The following BRCA1 variants were observed in gnomAD, a reference collection of about 807,000 sequenced individuals.
BRCA1 encodes the protein breast cancer type 1 susceptibility protein.
BRCA1 carries 140 observed loss-of-function variants against 173.7 expected under a neutral mutation model. The ratio of observed to expected loss-of-function variants is 0.81; its 90% confidence interval spans 0.70 to 0.93. The LOEUF is 0.93. Ranked by LOEUF, BRCA1 falls within the 40% of genes least tolerant of loss-of-function variation. The pLI is 0.00. For synonymous variants in BRCA1, 662 were observed against 756.0 expected, an observed-to-expected ratio of 0.88 and a Z score of 2.04; for missense variants, 1,983 against 2,172.5, an observed-to-expected ratio of 0.91 and a Z score of 1.73.
At chr17:43,074,080 C>A (rs951086475) in intron 14 of BRCA1, among the ~76,000 whole-genome samples, 1 of 151,970 alleles carries the variant, frequency 6.6e-6, no homozygotes, top group Non-Finnish European at 1.5e-5. Context: ...TTAGAGTACA[C>A]CAAGACTCCC....
upstream of BRCA1, among the ~76,000 whole-genome samples, chr17:43,127,666 C>A (rs1459763380): frequency 6.6e-6 from 1 of 152,122 alleles, no homozygotes; most frequent in African/African-American, 2.4e-5. Flanking sequence ...CAAAACGGAC[C>A]AATTAGCTCT....
rs192560232 is a variant in BRCA1, at chr17:43,130,498, G to C, written c.-19-6383C>G. On this transcript the variant is annotated intron_variant, in intron 1 of 7. Coordinates refer to the BRCA1 transcript ENST00000634433. ...CCAGCTAATTTTTGTATTTTTATTA[G>C]AGACGAAGTTTCACCATGTTGGCTA... 2.8e-4 allele frequency among the ~76,000 whole-genome samples: 43 copies of C among 152,210 alleles called. No homozygotes were observed. The South Asian group carries it at 3.7e-3, about 13-fold the overall frequency.
chr17:43,084,852 C>T (rs2053166544), intron 11 of BRCA1, among the ~76,000 whole-genome samples: 1 of 152,134 alleles, frequency 6.6e-6, no homozygotes, highest in South Asian at 2.1e-4. Flanking sequence ...GATATCTGAC[C>T]AAAATGCTTC....
rs1057522167 is a variant in BRCA1, at chr17:43,074,491, A to G, written c.4515T>C (p.Asp1505=). Residue 1505 remains aspartate (D), a synonymous_variant, in exon 14 of 23, where the codon GAT becomes GAC. Coordinates refer to ENST00000357654, the MANE Select transcript of BRCA1 (RefSeq NM_007294.4). ...AGCAACTGTGCATGTACCACCTATC[A>G]TCTAATGATGGGCATTTAGAAGGGG... is the stretch of plus-strand genomic sequence containing the variant. ...RSSPSKCPSL[D]DRWYMHSCSG... 3 of 1,614,150 alleles carry G rather than the reference A, an allele frequency of 1.9e-6. No individual in the cohort carries two copies. The highest frequency in any genetic ancestry group is 2.5e-6 in the Non-Finnish European group (3 of 1,179,976).
At position 43,045,787 on chromosome 17, in the gene BRCA1, C is replaced by T. The variant is rs2050885374; in HGVS notation, c.5483G>A (p.Cys1828Tyr). 6.2e-7 allele frequency: 1 copy of T among 1,614,182 alleles called. No individual in the cohort carries two copies. The highest frequency in any genetic ancestry group is 8.5e-7 in the Non-Finnish European group (1 of 1,180,048). The change falls in exon 23 of 23, where the codon TGT (cysteine) becomes TAT (tyrosine). Residue 1828 changes from cysteine to tyrosine, a missense_variant. Transcript: ENST00000357654. The stretch of plus-strand genomic sequence containing the variant: ...CTCTCGGGTCACCACAGGTGCCTCA[C>T]ACATCTGCCCAATTGCTGGAGACAG... Reference protein sequence around the residue: ...DNGFHAIGQMCEAPVVTREWV... With the variant: ...DNGFHAIGQMYEAPVVTREWV...
At chr17:43,045,957 C>T (rs1567756928) in intron 22 of BRCA1, among the ~76,000 whole-genome samples, 155 bp from the exon 23 acceptor site, 1 of 146,956 alleles carries the variant, frequency 6.8e-6, no homozygotes, top group Non-Finnish European at 1.5e-5. Context: ...GAGTCTTGCT[C>T]TGTCGCCGAG....
At position 43,047,780 on chromosome 17, in the gene BRCA1, G is replaced by A. The variant is rs1399333307; in HGVS notation, c.5407-77C>T. 3 of 1,524,900 alleles carry A rather than the reference G, an allele frequency of 2.0e-6. No individual in the cohort carries two copies. In the African/African-American group the frequency reaches 4.1e-5, roughly 21 times the overall value. 94.5% of individuals were successfully genotyped at this position (1,524,900 alleles called of 1,614,324 possible). On this transcript the variant is annotated intron_variant, in intron 21 of 22. Coordinates refer to ENST00000357654, the MANE Select transcript of BRCA1 (RefSeq NM_007294.4). ...GAACTGTCACTTCATCATTTTTTTT[G>A]TTTGTTTTTGAGACAGGGTCTTGCT...
intron 1 of BRCA1, among the ~76,000 whole-genome samples, chr17:43,147,664 A>G (rs2056132319): frequency 6.6e-6 from 1 of 152,216 alleles, no homozygotes. Flanking sequence ...GGGCCCAAAA[A>G]CCAGTAAGAT....
intron 19 of BRCA1, among the ~76,000 whole-genome samples, chr17:43,054,022 T>C (rs1410172808): frequency 6.6e-6 from 1 of 152,086 alleles, no homozygotes; most frequent in Non-Finnish European, 1.5e-5. Context: ...ACATTTCTCT[T>C]CCAGAGAAAA....
intron 1 of BRCA1, among the ~76,000 whole-genome samples, chr17:43,156,168 C>A (rs1361749898): frequency 6.6e-6 from 1 of 151,484 alleles, no homozygotes; most frequent in Non-Finnish European, 1.5e-5. Context: ...ACCCGGGAGG[C>A]GGAAGTTGCA....
At chr17:43,134,314 G>A (rs1316089539) in intron 1 of BRCA1, among the ~76,000 whole-genome samples, 1 of 152,164 alleles carries the variant, frequency 6.6e-6, no homozygotes, top group African/African-American at 2.4e-5. Flanking sequence ...GCTGAGAAGA[G>A]GTAGACAAGC....
intron 2 of BRCA1, among the ~76,000 whole-genome samples, chr17:43,123,343 ATCCATGTTTTTTTTTTTTTTTTTTTT>A (rs1308553302): frequency 1.4e-5 from 2 of 146,362 alleles, no homozygotes; most frequent in Non-Finnish European, 3.0e-5. Context: ...GACACCGATC[ATCCATGTTTTTTTTTTTTTTTTTTTT>A]TTTTTGAGAT....
intron 1 of BRCA1, chr17:43,169,886 CT>C: frequency 2.5e-6 from 1 of 407,662 alleles, no homozygotes; most frequent in South Asian, 1.9e-5. Context: ...TTTTCCCCCC[CT>C]CTACACTGCA....
chr17:43,128,023 C>CA (rs61243891), upstream of BRCA1, among the ~76,000 whole-genome samples: 4,518 of 24,854 alleles, frequency 0.18, 901 homozygotes, highest in African/African-American at 0.31. Context: ...GACTCCATCT[C>CA]AAAAAAAAAA....
chr17:43,124,076 G>A lies in BRCA1; in HGVS notation c.21C>T (p.Arg7=), dbSNP rs149402012. The change falls in exon 2 of 23, where the codon CGC becomes CGT. Residue 7 remains arginine (R), a synonymous_variant. Coordinates refer to ENST00000357654, the MANE Select transcript of BRCA1 (RefSeq NM_007294.4). MDLSAL[R]VEEVQNVINA... is the part of the protein sequence containing the mutation. The stretch of plus-strand genomic sequence containing the variant: ...TAATGACATTTTGTACTTCTTCAAC[G>A]CGAAGAGCAGATAAATCCATTTCTT... The A allele has an allele frequency of 3.1e-4, 494 of 1,613,436 alleles. 2 individuals carry two copies. The African/African-American group carries it at 5.9e-3, about 19-fold the overall frequency.
Position 43,138,580 on chromosome 17 carries a change from C to T in BRCA1, c.-19-14465G>A, listed in dbSNP as rs954098110. The stretch of plus-strand genomic sequence containing the variant: ...ACACCTCCAAGTATAAGTAGGGCTC[C>T]CCACCATGCCTGGATGTGGAGTTGT... On this transcript the variant is annotated intron_variant, in intron 1 of 7. Coordinates refer to the BRCA1 transcript ENST00000634433. 111 of 715,878 alleles carry T rather than the reference C, an allele frequency of 1.6e-4. 1 individual carries two copies. The East Asian group carries it at 2.7e-3, about 18-fold the overall frequency. The allele number at this position is 715,878 out of a possible 1,614,324, so 44.3% of individuals were successfully genotyped here.
At chr17:43,100,699 A>ATG (rs2054433377) in intron 6 of BRCA1, among the ~76,000 whole-genome samples, 1 of 26,152 alleles carries the variant, frequency 3.8e-5, no homozygotes, top group African/African-American at 7.1e-5. Context: ...ATATATATAT[A>ATG]TATGTAATCC....
In BRCA1 at chr17:43,082,408, T is replaced by C. The variant is rs786202387; in HGVS notation, c.4353A>G (p.Glu1451=). Residue 1451 remains glutamate, a synonymous_variant, in exon 12 of 23, where the codon GAA becomes GAG. Coordinates refer to ENST00000357654, the MANE Select transcript of BRCA1 (RefSeq NM_007294.4). ...DLRNPEQSTS[E]KAVLTSQKSS... ...TGTTTGGCCAACAATACACACCTTT[T>C]TCTGATGTGCTTTGTTCTGGATTTC... The C allele has an allele frequency of 1.2e-6, 2 of 1,613,746 alleles. No individual in the cohort carries two copies. The highest frequency in any genetic ancestry group is 2.2e-5 in the South Asian group (2 of 91,052).
intron 1 of BRCA1, chr17:43,162,364 A>T (rs1331681726): frequency 6.6e-6 from 1 of 152,150 alleles, no homozygotes; most frequent in Non-Finnish European, 1.5e-5. Flanking sequence ...TTTTAAGGTG[A>T]CTTGTTTGGG....
Sources: gnomAD v4.1 joint callset for allele counts (sites outside exome capture counted in the v4.1 genomes callset) on GRCh38, gnomAD v4.1.1 for gene constraint, MANE v1.5 for transcripts, NCBI Gene and HGNC (gene_info 2026-07-23, HGNC 2026-07-21) for gene names.